The following ROBO2 variants were observed in gnomAD, a reference collection of about 807,000 sequenced individuals.
ROBO2 encodes roundabout guidance receptor 2.
ROBO2 carries 53 observed loss-of-function variants against 160.8 expected under a neutral mutation model. That is an observed-to-expected ratio of 0.33 (90% CI 0.26 to 0.41). The LOEUF is 0.41. Among genes scored for constraint, ROBO2 ranks in the 10% least tolerant of loss-of-function variants. The pLI is 1.00. For missense variants in ROBO2, 1,577 were observed against 1,722.4 expected (o/e 0.92, Z 1.49); for synonymous variants, 664 against 611.7 (o/e 1.09, Z -1.26).
At chr3:76,567,434 A>G (rs999389005) in intron 2 of ROBO2, among the ~76,000 whole-genome samples, 4 of 151,650 alleles carry the variant, frequency 2.6e-5, no homozygotes, top group South Asian at 4.2e-4. Flanking sequence ...GTTGTTTAAT[A>G]TCTTAGGTAT....
chr3:76,697,293 T>C (rs770416965), intron 2 of ROBO2, among the ~76,000 whole-genome samples: 2 of 152,170 alleles, frequency 1.3e-5, no homozygotes, highest in Non-Finnish European at 2.9e-5. Flanking sequence ...ATCAAGACAA[T>C]ATGTGAACTG....
intron 2 of ROBO2, among the ~76,000 whole-genome samples, chr3:75,954,185 T>C (rs1381625864): frequency 6.6e-6 from 1 of 151,862 alleles, no homozygotes; most frequent in Non-Finnish European, 1.5e-5. Flanking sequence ...ATTTACCATG[T>C]CTGAGTTTTC....
chr3:76,782,427 G>C (rs906391786), intron 2 of ROBO2, among the ~76,000 whole-genome samples: 3 of 150,620 alleles, frequency 2.0e-5, no homozygotes, highest in Admixed American at 6.7e-5. Context: ...GTTTAAGTCT[G>C]TTTCCTTATT....
chr3:76,225,216 C>G (rs1704209692), intron 2 of ROBO2, among the ~76,000 whole-genome samples: 1 of 152,050 alleles, frequency 6.6e-6, no homozygotes, highest in Non-Finnish European at 1.5e-5. Context: ...GAAAAAAGAG[C>G]ATTAAATTGA....
At chr3:77,551,379 G>C (rs930979539) in intron 8 of ROBO2, among the ~76,000 whole-genome samples, 3 of 151,944 alleles carry the variant, frequency 2.0e-5, no homozygotes, top group African/African-American at 7.2e-5. Context: ...AATATTATCA[G>C]AGATGAGATT....
intron 2 of ROBO2, among the ~76,000 whole-genome samples, chr3:77,387,037 C>T (rs368844355): frequency 1.4e-4 from 21 of 152,006 alleles, no homozygotes; most frequent in East Asian, 7.8e-4. Flanking sequence ...CTTATTAAGC[C>T]GCTCACATTC....
chr3:76,658,119 A>G (rs1672693384), intron 2 of ROBO2, among the ~76,000 whole-genome samples: 3 of 149,582 alleles, frequency 2.0e-5, no homozygotes. Flanking sequence ...TAAATAAAAT[A>G]TGTTAAAATA....
At chr3:75,935,364 T>C (rs1486745201) in intron 1 of ROBO2, among the ~76,000 whole-genome samples, 1 of 151,932 alleles carries the variant, frequency 6.6e-6, no homozygotes. Context: ...ATAAAAAAAT[T>C]AGCCGGGGAT....
intron 2 of ROBO2, among the ~76,000 whole-genome samples, chr3:77,329,431 G>A (rs936413969): frequency 6.6e-6 from 1 of 152,100 alleles, no homozygotes; most frequent in Non-Finnish European, 1.5e-5. Context: ...TAGTGTTTAG[G>A]CTAATGACAT....
In ROBO2 at chr3:76,572,029, G is replaced by A. The variant is rs531462463; in HGVS notation, c.110-525985G>A. Among the ~76,000 whole-genome samples, 4 of 152,162 alleles carry A rather than the reference G, an allele frequency of 2.6e-5. No homozygotes were observed. In the South Asian group the frequency reaches 6.2e-4, roughly 24 times the overall value. On this transcript the variant is annotated intron_variant, in intron 2 of 26. Coordinates refer to the ROBO2 transcript ENST00000487694. Reference sequence around the variant, plus strand: ...TCCTCTAAAATGTAGTCATATAAATGTTATAACACCTTAAGAAGTGATATT... The same window carrying A: ...TCCTCTAAAATGTAGTCATATAAATATTATAACACCTTAAGAAGTGATATT...
At chr3:76,087,865 C>T (rs1436526292) in intron 2 of ROBO2, among the ~76,000 whole-genome samples, 1 of 151,856 alleles carries the variant, frequency 6.6e-6, no homozygotes, top group African/African-American at 2.4e-5. Context: ...TATATTGCAA[C>T]CTGTAGGGCA....
chr3:76,687,463 G>A (rs935896669), intron 2 of ROBO2, among the ~76,000 whole-genome samples: 2 of 151,836 alleles, frequency 1.3e-5, no homozygotes, highest in African/African-American at 4.8e-5. Flanking sequence ...CACTCCCAGG[G>A]CCTTAAAGAT....
chr3:77,322,725 C>CTAATATA (rs2064851710), intron 2 of ROBO2, among the ~76,000 whole-genome samples: 1 of 137,564 alleles, frequency 7.3e-6, no homozygotes, highest in African/African-American at 2.7e-5. Flanking sequence ...GAACATAGGT[C>CTAATATA]TAATATATAT....
chr3:77,602,673 A>ACCACCACCACCACCGCCGCCG (rs1559705818), intron 20 of ROBO2, among the ~76,000 whole-genome samples, 182 bp downstream of exon 21: 18 of 122,914 alleles, frequency 1.5e-4, no homozygotes, highest in African/African-American at 5.3e-4. Context: ...CACCACCACC[A>ACCACCACCACCACCGCCGCCG]CCACCACCAC....
At chr3:76,718,288 A>G (rs1308591903) in intron 2 of ROBO2, among the ~76,000 whole-genome samples, 1 of 152,224 alleles carries the variant, frequency 6.6e-6, no homozygotes, top group Non-Finnish European at 1.5e-5. Flanking sequence ...TTAGCATCAG[A>G]AAACAGAGCA....
chr3:76,451,539 C>A (rs1441854766), intron 2 of ROBO2, among the ~76,000 whole-genome samples: 1 of 152,062 alleles, frequency 6.6e-6, no homozygotes, highest in Non-Finnish European at 1.5e-5. Flanking sequence ...TTTTGCTGGG[C>A]AAAAGCAATG....
chr3:76,207,615 C>A (rs1015419493), intron 2 of ROBO2, among the ~76,000 whole-genome samples: 1 of 152,018 alleles, frequency 6.6e-6, no homozygotes, highest in African/African-American at 2.4e-5. Flanking sequence ...ATGTGAGATA[C>A]TGGGAAAATA....
At position 76,721,388 on chromosome 3, in the gene ROBO2, T is replaced by C. The variant is rs145063577; in HGVS notation, c.110-376626T>C. Among the ~76,000 whole-genome samples the C allele has an allele frequency of 7.2e-5, 11 of 152,346 alleles. No individual in the cohort carries two copies. The Middle Eastern group carries it at 0.014, about 188-fold the overall frequency. ...GCATATTTCTGATGAGTCTTTTGGCTCTTCCATTTCATTTCCTTCATAATA... is the reference window on the plus strand; with the variant it reads ...GCATATTTCTGATGAGTCTTTTGGCCCTTCCATTTCATTTCCTTCATAATA... On this transcript the variant is annotated intron_variant, in intron 2 of 26. Transcript: ENST00000487694.
At chr3:76,225,048 T>C (rs561350430) in intron 2 of ROBO2, among the ~76,000 whole-genome samples, 2 of 152,334 alleles carry the variant, frequency 1.3e-5, no homozygotes, top group South Asian at 4.1e-4. Context: ...TACTTCTTAA[T>C]ATACTCATTT....
Sources: allele counts gnomAD v4.1 joint callset (sites outside exome capture counted in the v4.1 genomes callset), GRCh38; gene constraint gnomAD v4.1.1; transcripts MANE v1.5; gene names NCBI Gene and HGNC (gene_info 2026-07-23, HGNC 2026-07-21).